CNTN4: variants seen among roughly 807,000 people sequenced by gnomAD.
CNTN4 encodes contactin 4, also known as contactin-4.
A neutral mutation model predicts 122.5 loss-of-function variants in CNTN4; 77 were observed. The observed-to-expected ratio is 0.63, with a 90% CI of 0.52 to 0.76. The LOEUF is 0.76. CNTN4 is among the 30% of genes least tolerant of loss of function. CNTN4 has a pLI of 0.00. For synonymous variants in CNTN4, 512 were observed against 447.0 expected (o/e 1.15, Z -1.83); for missense variants, 1,256 against 1,259.1 (o/e 1.00, Z 0.04).
intron 3 of CNTN4, among the ~76,000 whole-genome samples, chr3:2,555,169 T>C (rs1338044092): frequency 6.6e-6 from 1 of 152,218 alleles, no homozygotes; most frequent in Non-Finnish European, 1.5e-5. Flanking sequence ...TATTGAAATA[T>C]CTTTTTAAAT....
At chr3:2,110,606 C>G (rs2032868344) in intron 2 of CNTN4, 1 of 152,138 alleles carries the variant, frequency 6.6e-6, no homozygotes, top group Non-Finnish European at 1.5e-5. Flanking sequence ...TAGCCTTTTC[C>G]ACTTGCTGTT....
At chr3:3,009,502 C>T (rs1481976009) in intron 14 of CNTN4, among the ~76,000 whole-genome samples, 2 of 151,508 alleles carry the variant, frequency 1.3e-5, no homozygotes, top group African/African-American at 2.4e-5. Context: ...GGCGCGATCT[C>T]AGCTCACTGC....
intron 3 of CNTN4, among the ~76,000 whole-genome samples, chr3:2,553,895 G>A (rs1318408627): frequency 1.3e-5 from 2 of 151,930 alleles, no homozygotes; most frequent in Admixed American, 6.6e-5. Flanking sequence ...ACCAGTAGAC[G>A]AGTTAGTTTA....
chr3:2,328,193 C>T (rs2043540575), intron 2 of CNTN4, among the ~76,000 whole-genome samples: 2 of 152,114 alleles, frequency 1.3e-5, no homozygotes, highest in African/African-American at 2.4e-5. Context: ...ATCACGGGGT[C>T]AGGAGATCGA....
chr3:2,922,498 A>G (rs17586876), intron 12 of CNTN4, among the ~76,000 whole-genome samples: 18,919 of 152,150 alleles, frequency 0.12, 1,345 homozygotes, highest in Non-Finnish European at 0.16. Flanking sequence ...GAGTTCTGAC[A>G]ATTTTCCCTT....
chr3:2,136,474 G>T (rs1313355364), intron 2 of CNTN4, among the ~76,000 whole-genome samples: 1 of 152,106 alleles, frequency 6.6e-6, no homozygotes, highest in Non-Finnish European at 1.5e-5. Flanking sequence ...TCATACTCCA[G>T]TATTTGGGCT....
At chr3:2,410,343 C>T (rs1421432273) in intron 3 of CNTN4, among the ~76,000 whole-genome samples, 1 of 152,122 alleles carries the variant, frequency 6.6e-6, no homozygotes, top group African/African-American at 2.4e-5. Flanking sequence ...AAGATTGTTA[C>T]AGAGGCATAA....
At chr3:2,374,267 T>G (rs1415549396) in intron 3 of CNTN4, among the ~76,000 whole-genome samples, 1 of 152,162 alleles carries the variant, frequency 6.6e-6, no homozygotes, top group Non-Finnish European at 1.5e-5. Context: ...AGACAGAGTT[T>G]TGGATACTAC....
intron 3 of CNTN4, among the ~76,000 whole-genome samples, chr3:2,457,373 T>A (rs1330209193): frequency 2.0e-5 from 3 of 152,116 alleles, no homozygotes; most frequent in Non-Finnish European, 4.4e-5. Flanking sequence ...ATGAAAATTA[T>A]ATAACAAACA....
At chr3:2,653,593 C>G (rs1343877254) in intron 4 of CNTN4, among the ~76,000 whole-genome samples, 1 of 152,052 alleles carries the variant, frequency 6.6e-6, no homozygotes, top group African/African-American at 2.4e-5. Context: ...TAGATCTAGT[C>G]ATTTTAGTCA....
At chr3:3,031,260 A>G (rs1011908980) in intron 16 of CNTN4, among the ~76,000 whole-genome samples, 12 of 152,312 alleles carry the variant, frequency 7.9e-5, no homozygotes, top group African/African-American at 2.6e-4. Flanking sequence ...ATGACCTTCT[A>G]GAACAAATTT....
At chr3:2,585,880 A>T (rs996749478) in intron 4 of CNTN4, among the ~76,000 whole-genome samples, 1 of 151,844 alleles carries the variant, frequency 6.6e-6, no homozygotes, top group African/African-American at 2.4e-5. Flanking sequence ...AGGGGGAGAA[A>T]AAAAAAAAAG....
intron 2 of CNTN4, among the ~76,000 whole-genome samples, chr3:2,207,946 T>A (rs1264381344): frequency 6.6e-6 from 1 of 152,078 alleles, no homozygotes; most frequent in Non-Finnish European, 1.5e-5. Flanking sequence ...TAGGAATTAT[T>A]TTCAAAATAT....
At chr3:2,382,934 G>C (rs2046082835) in intron 3 of CNTN4, among the ~76,000 whole-genome samples, 1 of 152,116 alleles carries the variant, frequency 6.6e-6, no homozygotes, top group East Asian at 1.9e-4. Flanking sequence ...AATTAGCTGG[G>C]CATGGTGGCA....
At chr3:2,800,978 C>G (rs1350099318) in intron 6 of CNTN4, among the ~76,000 whole-genome samples, 2 of 152,214 alleles carry the variant, frequency 1.3e-5, no homozygotes, top group Non-Finnish European at 2.9e-5. Flanking sequence ...CCTTCCTACT[C>G]CCAGCTCTCT....
At chr3:2,275,919 C>CAAAAAAAAAAAAAAAA (rs767326367) in intron 2 of CNTN4, among the ~76,000 whole-genome samples, 1 of 107,064 alleles carries the variant, frequency 9.3e-6, no homozygotes, top group African/African-American at 4.0e-5. Context: ...GACTCTGTCT[C>CAAAAAAAAAAAAAAAA]AAAAAAAAAA....
intron 2 of CNTN4, among the ~76,000 whole-genome samples, chr3:2,150,937 A>G (rs1388610710): frequency 2.0e-5 from 3 of 152,142 alleles, no homozygotes; most frequent in Non-Finnish European, 4.4e-5. Flanking sequence ...TTTAGAAGAT[A>G]CTTTTTGAGT....
chr3:2,621,161 C>G (rs28657926), intron 4 of CNTN4, among the ~76,000 whole-genome samples: 932 of 24,624 alleles, frequency 0.038, 12 homozygotes, highest in African/African-American at 0.18. Flanking sequence ...ACGTTAAGCA[C>G]CCCCTGTTCT....
Position 2,635,079 on chromosome 3 carries a change from C to T in CNTN4, c.55+63521C>T, listed in dbSNP as rs201848570. 1.1e-4 allele frequency among the ~76,000 whole-genome samples: 16 copies of T among 152,074 alleles called. No homozygotes were observed. The East Asian group carries it at 2.5e-3, about 24-fold the overall frequency. ...TCTAGGGGAATTTGTAAGTTTTCAT[C>T]GAATTTTTTTTTTCTAGTGAGCGAT... On this transcript the variant is annotated intron_variant, in intron 4 of 24. Transcript: ENST00000418658.
Sources: allele counts gnomAD v4.1 joint callset (sites outside exome capture counted in the v4.1 genomes callset), GRCh38; gene constraint gnomAD v4.1.1; transcripts MANE v1.5; gene names NCBI Gene and HGNC (gene_info 2026-07-23, HGNC 2026-07-21).